Variants in PCDHA7 observed in about 807,000 individuals in gnomAD.
PCDHA7 encodes protocadherin alpha 7.
In PCDHA7, 37 loss-of-function variants were observed where a neutral mutation model predicts 57.2. The observed-to-expected ratio is 0.65, with a 90% confidence interval of 0.50 to 0.85. The LOEUF (loss-of-function observed/expected upper bound fraction) is 0.85. Among genes scored for constraint, PCDHA7 ranks in the 40% least tolerant of loss-of-function variants. The probability of loss-of-function intolerance (pLI) is 0.00; values close to 1 mark genes in which losing one functional copy is unlikely to be tolerated. For missense variants in PCDHA7, 1,188 were observed against 1,241.8 expected (o/e 0.96, Z 0.65); for synonymous variants, 553 against 558.8 (o/e 0.99, Z 0.15).
At position 140,835,560 on chromosome 5, in the gene PCDHA7, G is replaced by C; in HGVS notation, c.1177G>C (p.Val393Leu). 6.2e-7 allele frequency: 1 copy of C among 1,613,902 alleles called. No individual in the cohort carries two copies. Residue 393 changes from valine (V) to leucine (L), a missense_variant, in exon 1 of 4, where the codon GTT becomes CTT. By Grantham distance (32) the Val-to-Leu change is conservative (BLOSUM62 1). Coordinates refer to ENST00000525929, the MANE Select transcript of PCDHA7 (RefSeq NM_018910.3). ...GGTTACCTGCTCCCTGACGCCCCGC[G>C]TTCCCTTCAAGTTGGTGTCCACCTT... ...GQVTCSLTPRVPFKLVSTFKN... is the reference protein window; with the variant it reads ...GQVTCSLTPRLPFKLVSTFKN...
At chr5:140,943,789 T>C (rs2093567416) in intron 1 of PCDHA7, among the ~76,000 whole-genome samples, 1 of 152,228 alleles carries the variant, frequency 6.6e-6, no homozygotes, top group African/African-American at 2.4e-5. Flanking sequence ...TGGTCCTTTA[T>C]GCAAAGCAAA....
intron 1 of PCDHA7, chr5:140,858,095 G>C: frequency 1.3e-6 from 2 of 1,597,916 alleles, no homozygotes; most frequent in Non-Finnish European, 1.7e-6. Context: ...GCGGGCTTCA[G>C]TGGGCGTGGC....
Position 140,870,153 on chromosome 5 carries a change from C to T in PCDHA7, c.2355+33415C>T, listed in dbSNP as rs537593818. 3.1e-6 allele frequency: 5 copies of T among 1,613,972 alleles called. No individual in the cohort carries two copies. The East Asian group carries it at 8.9e-5, about 29-fold the overall frequency. On this transcript the variant is annotated intron_variant, in intron 1 of 3. Transcript: ENST00000525929. ...CCAACGATAACTCTCCTGAAGTCGC[C>T]GTGACTTCCTTGTCCCTCCCAGTAC...
intron 1 of PCDHA7, chr5:140,860,091 C>A (rs1199656209): frequency 4.0e-5 from 6 of 150,914 alleles, no homozygotes; most frequent in African/African-American, 1.5e-4. Context: ...GAGTTCAAGA[C>A]CAACCTGGGC....
chr5:140,941,876 C>T (rs1293978062), intron 1 of PCDHA7, among the ~76,000 whole-genome samples: 1 of 152,166 alleles, frequency 6.6e-6, no homozygotes, highest in Non-Finnish European at 1.5e-5. Flanking sequence ...GTTCTATCAC[C>T]AGTGACTAGC....
chr5:140,982,797 G>A (rs2097006142), intron 3 of PCDHA7, among the ~76,000 whole-genome samples: 1 of 151,640 alleles, frequency 6.6e-6, no homozygotes, highest in Admixed American at 6.6e-5. Context: ...ATGTGTGCAT[G>A]TGTGTGTGTG....
At chr5:140,932,728 T>C (rs2088582843) in intron 1 of PCDHA7, among the ~76,000 whole-genome samples, 1 of 151,886 alleles carries the variant, frequency 6.6e-6, no homozygotes, top group African/African-American at 2.4e-5. Context: ...TTGTATAATA[T>C]AGACCCTCAA....
At chr5:140,876,082 C>A in intron 1 of PCDHA7, 1 of 1,613,932 alleles carries the variant, frequency 6.2e-7, no homozygotes, top group Non-Finnish European at 8.5e-7. Context: ...GGACAGAGAG[C>A]AAACGCCAAA....
rs2150422300 is a variant in PCDHA7, at chr5:140,848,837, G to T, written c.2355+12099G>T. On this transcript the variant is annotated intron_variant, in intron 1 of 3. Coordinates refer to ENST00000525929, the MANE Select transcript of PCDHA7 (RefSeq NM_018910.3). The stretch of plus-strand genomic sequence containing the variant: ...TGGAGGTGATCGTAGACAGGCCGCT[G>T]CAGGTTTTCCATGTGGACGTGGAGG... 11 of 1,590,342 alleles carry T rather than the reference G, an allele frequency of 6.9e-6. 1 individual carries two copies. Among genetic ancestry groups the T allele is most frequent in the Non-Finnish European group, 9.5e-6 (11 of 1,162,060 alleles).
At chr5:140,996,752 GT>G (rs1406262736) in intron 3 of PCDHA7, among the ~76,000 whole-genome samples, 2 of 152,208 alleles carry the variant, frequency 1.3e-5, no homozygotes, top group East Asian at 3.9e-4. Flanking sequence ...AATTATATCT[GT>G]GCAGGACTAA....
chr5:140,948,312 G>A (rs2094238308), intron 1 of PCDHA7, among the ~76,000 whole-genome samples: 1 of 151,400 alleles, frequency 6.6e-6, no homozygotes, highest in African/African-American at 2.4e-5. Context: ...TTCTTCTTGA[G>A]GGGTAATGTT....
intron 1 of PCDHA7, among the ~76,000 whole-genome samples, chr5:140,939,502 T>A (rs781895675): frequency 2.7e-5 from 4 of 150,818 alleles, no homozygotes; most frequent in Non-Finnish European, 5.9e-5. Flanking sequence ...AAATTCAATG[T>A]CTATAACATT....
chr5:140,872,902 C>G lies in PCDHA7; in HGVS notation c.2355+36164C>G, dbSNP rs78252676. ...TCATTCATCTCACTTTGTAACTGCT[C>G]TATCTTGTAATGCCTTATCTCTAAT... On this transcript the variant is annotated intron_variant, in intron 1 of 3. Coordinates refer to ENST00000525929, the MANE Select transcript of PCDHA7 (RefSeq NM_018910.3). Among the ~76,000 whole-genome samples, 460 of 152,278 alleles carry G rather than the reference C, an allele frequency of 3.0e-3. 1 individual carries two copies. The highest frequency in any genetic ancestry group is 9.4e-3 in the Admixed American group (143 of 15,288).
chr5:140,948,895 A>G (rs1192387448), intron 1 of PCDHA7, among the ~76,000 whole-genome samples: 1 of 151,548 alleles, frequency 6.6e-6, no homozygotes, highest in Non-Finnish European at 1.5e-5. Flanking sequence ...TTAGATTTTA[A>G]GTGGATTCTT....
At chr5:140,875,958 C>G (rs1312300687) in intron 1 of PCDHA7, 4 of 1,614,080 alleles carry the variant, frequency 2.5e-6, no homozygotes, top group Non-Finnish European at 3.4e-6. Flanking sequence ...ATGCGGATAT[C>G]GGCGTAAACT....
Position 140,836,433 on chromosome 5 carries a change from T to C in PCDHA7, c.2050T>C (p.Leu684=), listed in dbSNP as rs2150260977. The C allele has an allele frequency of 1.3e-4, 215 of 1,613,692 alleles. 2 individuals are homozygous for C. Among genetic ancestry groups the C allele is most frequent in the Non-Finnish European group, 2.4e-5 (28 of 1,179,856 alleles). ...ACCAAAGGCGTCGTCGCGGGCATCG[T>C]TGGGCATTGCAGGCCCAGAGACCGA... ...QAPKASSRAS[L]GIAGPETELV... Residue 684 remains leucine, a synonymous_variant, in exon 1 of 4, where the codon TTG becomes CTG. Transcript: ENST00000525929.
At chr5:140,856,020 G>A (rs782082828) in intron 1 of PCDHA7, 2 of 1,553,262 alleles carry the variant, frequency 1.3e-6, no homozygotes, top group African/African-American at 1.4e-5. Context: ...CCGCTGATTC[G>A]TCGATTTGTA....
intron 1 of PCDHA7, among the ~76,000 whole-genome samples, chr5:140,944,291 G>T (rs155813): frequency 6.6e-6 from 1 of 151,928 alleles, no homozygotes; most frequent in African/African-American, 2.4e-5. Flanking sequence ...GGGCTCAAGC[G>T]ATCCTCCTAC....
chr5:140,984,178 A>C (rs2097090747), intron 3 of PCDHA7, among the ~76,000 whole-genome samples: 1 of 152,184 alleles, frequency 6.6e-6, no homozygotes, highest in South Asian at 2.1e-4. Context: ...AGCCACGTGA[A>C]ATCATGACTT....
Sources: allele counts gnomAD v4.1 joint callset (sites outside exome capture counted in the v4.1 genomes callset), GRCh38; gene constraint gnomAD v4.1.1; transcripts MANE v1.5; gene names NCBI Gene and HGNC (gene_info 2026-07-23, HGNC 2026-07-21).